PPP1R9A: variants seen among roughly 807,000 people sequenced by gnomAD.
PPP1R9A encodes the protein protein phosphatase 1 regulatory subunit 9A, also known as neurabin-1.
A neutral mutation model predicts 141.9 loss-of-function variants in PPP1R9A; 59 were observed. The observed-to-expected ratio is 0.42, with a 90% confidence interval of 0.34 to 0.52. The LOEUF is 0.52. Ranked by LOEUF, PPP1R9A falls within the 20% of genes least tolerant of loss-of-function variation. The pLI, the probability that PPP1R9A is intolerant of heterozygous loss-of-function variation, is 0.10. For missense variants in PPP1R9A, 1,444 were observed against 1,611.9 expected, an observed-to-expected ratio of 0.90 and a Z score of 1.78; for synonymous variants, 500 against 569.7, an observed-to-expected ratio of 0.88 and a Z score of 1.74.
intron 2 of PPP1R9A, among the ~76,000 whole-genome samples, chr7:95,028,691 A>G (rs1226103697): frequency 6.6e-6 from 1 of 152,202 alleles, no homozygotes; most frequent in Non-Finnish European, 1.5e-5. Flanking sequence ...TAGAATGTGC[A>G]TATGTTTTAC....
At chr7:95,120,609 A>G (rs1026203275) in intron 3 of PPP1R9A, 103 bp from the exon 4 acceptor site, 33 of 1,312,804 alleles carry the variant, frequency 2.5e-5, no homozygotes, top group South Asian at 3.1e-5. Context: ...CCTATCCATA[A>G]GGAAAAATAA....
In PPP1R9A at chr7:95,290,178, G is replaced by T; in HGVS notation, c.4000G>T (p.Ala1334Ser). ...MKMSLEKARKAQEKMEKQREK... is the reference protein window; with the variant it reads ...MKMSLEKARKSQEKMEKQREK... ...GATGTCTCTAGAGAAGGCTCGGAAG[G>T]CCCAAGAGAAAATGGAAAAACAAAG... The change falls in exon 20 of 20, where the codon GCC becomes TCC. Residue 1334 changes from alanine to serine, a missense_variant. Transcript: ENST00000433360. 6.2e-7 allele frequency: 1 copy of T among 1,614,018 alleles called. No individual in the cohort carries two copies. The highest frequency in any genetic ancestry group is 8.5e-7 in the Non-Finnish European group (1 of 1,180,010).
At chr7:95,274,467 A>G (rs2153057647) in intron 16 of PPP1R9A, among the ~76,000 whole-genome samples, 1 of 152,344 alleles carries the variant, frequency 6.6e-6, no homozygotes, top group Admixed American at 6.5e-5. Flanking sequence ...AGAAATATCA[A>G]ATATATTTAT....
chr7:95,228,920 A>G (rs1220338354), intron 8 of PPP1R9A, among the ~76,000 whole-genome samples: 2 of 152,158 alleles, frequency 1.3e-5, no homozygotes, highest in African/African-American at 4.8e-5. Flanking sequence ...GTAACAGGAC[A>G]TATTACTGGA....
intron 2 of PPP1R9A, among the ~76,000 whole-genome samples, chr7:94,993,002 T>C (rs1306291644): frequency 6.6e-6 from 1 of 152,018 alleles, no homozygotes; most frequent in Admixed American, 6.6e-5. Flanking sequence ...TTCTAGATTT[T>C]TGTAGTTTTA....
At chr7:95,046,543 C>T (rs986798284) in intron 2 of PPP1R9A, among the ~76,000 whole-genome samples, 1 of 152,168 alleles carries the variant, frequency 6.6e-6, no homozygotes, top group Admixed American at 6.5e-5. Flanking sequence ...TCTTATTTTT[C>T]TCTTCTGTTG....
At chr7:94,952,574 A>G (rs950686928) in intron 2 of PPP1R9A, among the ~76,000 whole-genome samples, 2 of 152,184 alleles carry the variant, frequency 1.3e-5, no homozygotes, top group African/African-American at 4.8e-5. Context: ...ACCCACCAAC[A>G]GTGTAAAAGT....
At chr7:95,061,187 C>T (rs1812180768) in intron 2 of PPP1R9A, among the ~76,000 whole-genome samples, 1 of 152,170 alleles carries the variant, frequency 6.6e-6, no homozygotes, top group Non-Finnish European at 1.5e-5. Flanking sequence ...CTGGGATTTT[C>T]TGAACTTCTT....
intron 2 of PPP1R9A, among the ~76,000 whole-genome samples, chr7:95,082,484 A>G (rs1475397514): frequency 1.3e-5 from 2 of 150,724 alleles, no homozygotes; most frequent in Non-Finnish European, 2.9e-5. Flanking sequence ...TGATTCCTGT[A>G]ATCCCAGCAC....
At chr7:95,108,827 C>T (rs1037922339) in intron 2 of PPP1R9A, 21 of 152,078 alleles carry the variant, frequency 1.4e-4, no homozygotes, top group African/African-American at 5.1e-4. Flanking sequence ...TTCATACTTA[C>T]TTTATATATA....
chr7:94,937,072 C>T (rs750187400), intron 2 of PPP1R9A, among the ~76,000 whole-genome samples: 7 of 152,062 alleles, frequency 4.6e-5, no homozygotes, highest in Non-Finnish European at 1.0e-4. Context: ...TGTGCCCTAA[C>T]TTATTATTCA....
At chr7:95,238,639 C>T (rs1797036180) in intron 8 of PPP1R9A, among the ~76,000 whole-genome samples, 1 of 152,150 alleles carries the variant, frequency 6.6e-6, no homozygotes, top group Non-Finnish European at 1.5e-5. Context: ...AAGTTGAATT[C>T]AAGAGAGACA....
chr7:95,177,099 T>G (rs1427053855), intron 5 of PPP1R9A, among the ~76,000 whole-genome samples: 1 of 152,058 alleles, frequency 6.6e-6, no homozygotes, highest in Non-Finnish European at 1.5e-5. Context: ...AAGGAAAGAA[T>G]CTTAAGAGCT....
At chr7:95,049,461 C>T (rs1810491889) in intron 2 of PPP1R9A, among the ~76,000 whole-genome samples, 1 of 152,204 alleles carries the variant, frequency 6.6e-6, no homozygotes, top group African/African-American at 2.4e-5. Flanking sequence ...TGGCTCCTTC[C>T]CAGCCTCTCC....
intron 6 of PPP1R9A, among the ~76,000 whole-genome samples, chr7:95,200,560 G>A (rs926724942): frequency 2.0e-5 from 3 of 152,164 alleles, no homozygotes; most frequent in Non-Finnish European, 2.9e-5. Flanking sequence ...GATTACAGGT[G>A]TGAGCCACCC....
At chr7:95,011,007 CTT>C (rs997441220) in intron 2 of PPP1R9A, among the ~76,000 whole-genome samples, 92 of 152,160 alleles carry the variant, frequency 6.0e-4, no homozygotes, top group African/African-American at 2.0e-3. Context: ...TGAGAGAAAA[CTT>C]TTCTCTTTCA....
intron 2 of PPP1R9A, among the ~76,000 whole-genome samples, chr7:95,105,361 C>T (rs1293435057): frequency 6.6e-6 from 1 of 152,140 alleles, no homozygotes; most frequent in East Asian, 1.9e-4. Flanking sequence ...CAGAAATGTC[C>T]TTGCTAACCG....
At chr7:94,982,598 T>A (rs1382128117) in intron 2 of PPP1R9A, among the ~76,000 whole-genome samples, 1 of 152,218 alleles carries the variant, frequency 6.6e-6, no homozygotes, top group African/African-American at 2.4e-5. Flanking sequence ...TTTTTTCATG[T>A]GTCTGTTGGC....
At chr7:94,922,078 A>T (rs11977878) in intron 2 of PPP1R9A, among the ~76,000 whole-genome samples, 3,480 of 149,802 alleles carry the variant, frequency 0.023, 130 homozygotes, top group African/African-American at 0.078. Flanking sequence ...TTCCTAAAAA[A>T]ATATAATTTT....
Sources: gnomAD v4.1 joint callset for allele counts (sites outside exome capture counted in the v4.1 genomes callset) on GRCh38, gnomAD v4.1.1 for gene constraint, MANE v1.5 for transcripts, NCBI Gene and HGNC (gene_info 2026-07-23, HGNC 2026-07-21) for gene names.